PHEX: variants seen among roughly 807,000 people sequenced by gnomAD.
The protein encoded by PHEX is phosphate-regulating neutral endopeptidase PHEX.
Under a neutral mutation model 68.0 loss-of-function variants are expected in PHEX, and 16 were observed. The observed-to-expected ratio is 0.24, with a 90% confidence interval of 0.16 to 0.36. The LOEUF (loss-of-function observed/expected upper bound fraction) is 0.36, where lower values mean the gene tolerates loss of function less well. PHEX is among the 10% of genes least tolerant of loss of function. The pLI, the probability that PHEX is intolerant of heterozygous loss-of-function variation, is 1.00. For synonymous variants in PHEX, 208 were observed against 205.1 expected, an observed-to-expected ratio of 1.01 and a Z score of -0.12; for missense variants, 480 against 575.5, an observed-to-expected ratio of 0.83 and a Z score of 1.70.
chrX:22,124,166 C>G (rs1931616410), intron 11 of PHEX, among the ~76,000 whole-genome samples: 1 of 111,710 alleles, frequency 9.0e-6, no homozygotes, highest in Non-Finnish European at 1.9e-5. Context: ...TTTCATAACC[C>G]TCTGCAGGCT....
intron 13 of PHEX, among the ~76,000 whole-genome samples, chrX:22,169,560 C>G (rs1933452991): frequency 8.9e-6 from 1 of 112,065 alleles, no homozygotes; most frequent in African/African-American, 3.2e-5. Context: ...CTTTCAGAGC[C>G]AGGACTGATA....
intron 5 of PHEX, among the ~76,000 whole-genome samples, chrX:22,087,387 T>G (rs899195111): frequency 8.9e-6 from 1 of 111,967 alleles, no homozygotes; most frequent in African/African-American, 3.2e-5. Flanking sequence ...CTTTGTTGTT[T>G]CAGGCCAATG....
intron 20 of PHEX, among the ~76,000 whole-genome samples, chrX:22,234,224 T>A (rs1193232355): frequency 8.9e-6 from 1 of 112,590 alleles, no homozygotes; most frequent in Non-Finnish European, 1.9e-5. Flanking sequence ...GAGATGTTTG[T>A]CGGCCCCTAC....
At chrX:22,146,937 C>T (rs1486439205) in intron 12 of PHEX, among the ~76,000 whole-genome samples, 2 of 111,662 alleles carry the variant, frequency 1.8e-5, no homozygotes, top group Non-Finnish European at 3.8e-5. Flanking sequence ...ATAGTTTAAA[C>T]ATGTACTGTA....
At chrX:22,097,802 G>C (rs1930207618) in intron 8 of PHEX, 1 of 503,548 alleles carries the variant, frequency 2.0e-6, no homozygotes, top group African/African-American at 2.6e-5. Context: ...CAGTCTTGCT[G>C]TGTCATCCAG....
At chrX:22,191,794 GC>G (rs1934206528) in intron 15 of PHEX, among the ~76,000 whole-genome samples, 1 of 112,057 alleles carries the variant, frequency 8.9e-6, no homozygotes, top group African/African-American at 3.2e-5. Context: ...AGTAGAAAAA[GC>G]AAAATAACCT....
intron 16 of PHEX, among the ~76,000 whole-genome samples, chrX:22,215,795 C>T (rs907732890): frequency 9.0e-6 from 1 of 110,850 alleles, no homozygotes; most frequent in Non-Finnish European, 1.9e-5. Flanking sequence ...CCAAACTCCC[C>T]GGTGTTTTGG....
intron 9 of PHEX, among the ~76,000 whole-genome samples, chrX:22,103,912 A>G (rs777028915): frequency 1.8e-5 from 2 of 112,226 alleles, no homozygotes; most frequent in Admixed American, 9.4e-5. Context: ...ACTAGTTTAC[A>G]TTCCCACCAG....
chrX:22,245,722 G>C (rs972140088), intron 21 of PHEX, among the ~76,000 whole-genome samples: 1 of 111,590 alleles, frequency 9.0e-6, no homozygotes, highest in Non-Finnish European at 1.9e-5. Context: ...TTCGGAATCC[G>C]AATCATAGCT....
intron 13 of PHEX, among the ~76,000 whole-genome samples, chrX:22,169,530 G>A (rs924251168): frequency 8.9e-6 from 1 of 112,289 alleles, no homozygotes; most frequent in Admixed American, 9.5e-5. Flanking sequence ...ATTTAAGTGA[G>A]CTCCTCAGTT....
At chrX:22,243,918 A>C (rs752074256) in intron 20 of PHEX, among the ~76,000 whole-genome samples, 2 of 112,287 alleles carry the variant, frequency 1.8e-5, no homozygotes, top group African/African-American at 6.5e-5. Context: ...TTGACCCAGC[A>C]ATCCCATTAC....
chrX:22,169,397 C>T (rs992057436), intron 13 of PHEX, among the ~76,000 whole-genome samples: 2 of 112,118 alleles, frequency 1.8e-5, no homozygotes, highest in African/African-American at 3.2e-5. Context: ...TTATTATTAT[C>T]GTAACTAAAA....
intron 20 of PHEX, among the ~76,000 whole-genome samples, chrX:22,234,110 A>C (rs748731061): frequency 4.4e-5 from 5 of 112,811 alleles, no homozygotes; most frequent in Non-Finnish European, 7.5e-5. Context: ...CCTGGGTATC[A>C]CCAGCAGAGG....
chrX:22,182,647 T>C (rs1213594717), intron 14 of PHEX, among the ~76,000 whole-genome samples: 11 of 110,408 alleles, frequency 1.0e-4, no homozygotes, highest in East Asian at 8.6e-4. Context: ...TTGGTGTTCC[T>C]GCAGGGAGGA....
intron 5 of PHEX, among the ~76,000 whole-genome samples, chrX:22,088,988 T>C (rs927901069): frequency 2.7e-5 from 3 of 111,959 alleles, no homozygotes; most frequent in Admixed American, 1.9e-4. Context: ...GTGAGGTATG[T>C]GTAAAGGTTT....
intron 1 of PHEX, among the ~76,000 whole-genome samples, chrX:22,036,033 T>C (rs868604279): frequency 3.4e-5 from 2 of 58,305 alleles, no homozygotes; most frequent in African/African-American, 7.5e-5. Context: ...CACACACACG[T>C]ACATATATAT....
chrX:22,200,844 A>G (rs1390109327), intron 15 of PHEX, among the ~76,000 whole-genome samples: 1 of 110,568 alleles, frequency 9.0e-6, no homozygotes, highest in Non-Finnish European at 1.9e-5. Flanking sequence ...ATGGTCCCCA[A>G]GTCCTACTGA....
chrX:22,222,315 T>C (rs764509722), intron 18 of PHEX, among the ~76,000 whole-genome samples: 2 of 111,864 alleles, frequency 1.8e-5, no homozygotes, highest in Non-Finnish European at 3.8e-5. Context: ...ACTGTGAAAA[T>C]TCATCTGGAG....
chrX:22,158,955 C>T (rs1034053636), intron 12 of PHEX, among the ~76,000 whole-genome samples: 7 of 112,880 alleles, frequency 6.2e-5, no homozygotes, highest in African/African-American at 2.3e-4. Flanking sequence ...TCTCTGTTGT[C>T]TCCATGGAAA....
Sources: gnomAD v4.1 joint callset for allele counts (sites outside exome capture counted in the v4.1 genomes callset) on GRCh38, gnomAD v4.1.1 for gene constraint, MANE v1.5 for transcripts, NCBI Gene and HGNC (gene_info 2026-07-23, HGNC 2026-07-21) for gene names.